The following ACAN variants were observed in gnomAD, a reference collection of about 807,000 sequenced individuals.
The protein encoded by ACAN is aggrecan core protein.
In ACAN, 47 loss-of-function variants were observed where a neutral mutation model predicts 169.1. The observed-to-expected ratio is 0.28, with a 90% CI of 0.22 to 0.35. ACAN has a LOEUF of 0.35. Among genes scored for constraint, ACAN ranks in the 10% least tolerant of loss-of-function variants. ACAN has a pLI of 1.00. For missense variants in ACAN, 2,716 were observed against 2,759.9 expected (o/e 0.98, Z 0.36); for synonymous variants, 1,115 against 1,112.2 (o/e 1.00, Z -0.05).
intron 1 of ACAN, among the ~76,000 whole-genome samples, chr15:88,822,741 A>G (rs1217231056): frequency 1.3e-5 from 2 of 152,130 alleles, no homozygotes; most frequent in South Asian, 2.1e-4. Context: ...GCCGCTAACT[A>G]CATGTGTTCT....
rs758835805 is a variant in ACAN, at chr15:88,858,919, G to C, written c.6334G>C (p.Gly2112Arg). Reference protein sequence around the residue: ...ETSAYPEAGFGASAAPEASRE... With the variant: ...ETSAYPEAGFRASAAPEASRE... ...GTCCGCCTATCCTGAAGCTGGGTTC[G>C]GGGCATCTGCCGCCCCTGAGGCCAG... The change falls in exon 12 of 19, where the codon GGG becomes CGG. Residue 2112 changes from glycine to arginine, a missense_variant. Physicochemically the swap from Gly to Arg is moderately radical, Grantham distance 125 (BLOSUM62 -2). Transcript: ENST00000560601. This position sits in a 1 kb window ranked among gnomAD's most constrained non-coding sequence, Gnocchi z 4.0. 1.1e-5 allele frequency: 18 copies of C among 1,609,074 alleles called. No individual in the cohort carries two copies. Among genetic ancestry groups the C allele is most frequent in the Non-Finnish European group, 1.5e-5 (18 of 1,176,510 alleles).
chr15:88,857,230 C>T lies in ACAN; in HGVS notation c.4645C>T (p.Pro1549Ser). The change falls in exon 12 of 19, where the codon CCT (proline) becomes TCT (serine). Residue 1549 changes from proline (P) to serine (S), a missense_variant. Transcript: ENST00000560601. ...ASGFGDLSGL[P>S]SGGEGLETSA... ...TGGATTTGGGGACCTCAGTGGACTT[C>T]CTTCTGGAGGAGAAGGTCTAGAGAC... 6.2e-7 allele frequency: 1 copy of T among 1,613,842 alleles called. No homozygotes were observed. Among genetic ancestry groups the T allele is most frequent in the Non-Finnish European group, 8.5e-7 (1 of 1,179,872 alleles).
chr15:88,812,392 C>G (rs1596111755), intron 1 of ACAN, among the ~76,000 whole-genome samples: 1 of 152,164 alleles, frequency 6.6e-6, no homozygotes, highest in East Asian at 1.9e-4. Flanking sequence ...TCCTCTCAGC[C>G]CCCTGGGGAT....
chr15:88,809,500 T>A (rs1895767511), intron 1 of ACAN, among the ~76,000 whole-genome samples: 1 of 152,214 alleles, frequency 6.6e-6, no homozygotes, highest in Non-Finnish European at 1.5e-5. Context: ...GTGTCTGGTG[T>A]GCCCTGTCCC....
chr15:88,829,677 C>T (rs1398084295), intron 1 of ACAN, among the ~76,000 whole-genome samples: 1 of 152,128 alleles, frequency 6.6e-6, no homozygotes, highest in Non-Finnish European at 1.5e-5. Context: ...GAATGGGGCA[C>T]CTTGGTCCTT....
At position 88,874,048 on chromosome 15, in the gene ACAN, G is replaced by T; in HGVS notation, c.7630+24G>T. 1.2e-6 allele frequency: 2 copies of T among 1,605,064 alleles called. No individual in the cohort carries two copies. Among genetic ancestry groups the T allele is most frequent in the Non-Finnish European group, 8.5e-7 (1 of 1,179,564 alleles). ...CCGTGAGCATCACCCCGGCCATCTC[G>T]CTGAGCACAGGGTTAGATTCTGCCA... On this transcript the variant is annotated intron_variant, in intron 18 of 18. Coordinates refer to ENST00000560601, the MANE Select transcript of ACAN (RefSeq NM_001369268.1). This position sits in a 1 kb window ranked among gnomAD's most constrained non-coding sequence, Gnocchi z 7.3.
In ACAN at chr15:88,838,875, C is replaced by T. The variant is rs767131816; in HGVS notation, c.283C>T (p.Arg95Trp). The change falls in exon 3 of 19, where the codon CGG becomes TGG. Residue 95 changes from arginine (R) to tryptophan (W), a missense_variant. Physicochemically the swap from Arg to Trp is moderately radical, Grantham distance 101. Transcript: ENST00000560601. The surrounding 1 kb of genome is among the most constrained non-coding windows in gnomAD (Gnocchi z 5.1). The part of the protein sequence containing the change: ...VLLVATEGRV[R>W]VNSAYQDKVS... ...GCTGGTGGCCACTGAAGGGCGCGTG[C>T]GGGTCAACAGTGCCTATCAGGACAA... is the stretch of plus-strand genomic sequence containing the variant. The T allele has an allele frequency of 2.5e-5, 41 of 1,613,928 alleles. No homozygotes were observed. The highest frequency in any genetic ancestry group is 5.3e-5 in the African/African-American group (4 of 74,934).
At chr15:88,863,088 T>C (rs1897229462) in intron 13 of ACAN, among the ~76,000 whole-genome samples, 1 of 151,162 alleles carries the variant, frequency 6.6e-6, no homozygotes, top group African/African-American at 2.4e-5. Flanking sequence ...CCTGCAGTAA[T>C]ATTTGAATCC....
rs773746919 is a variant in ACAN at position 88,858,272 on chromosome 15, G to A, written c.5687G>A (p.Gly1896Asp). 6.2e-7 allele frequency: 1 copy of A among 1,613,940 alleles called. No individual in the cohort carries two copies. The highest frequency in any genetic ancestry group is 8.5e-7 in the Non-Finnish European group (1 of 1,179,886). ...GFTSQTPEFS[G>D]LPSGIAEVSG... ...ACATCCCAGACTCCGGAATTCAGTG[G>A]CCTACCAAGTGGCATAGCTGAGGTC... is the stretch of plus-strand genomic sequence containing the variant. The change falls in exon 12 of 19, where the codon GGC becomes GAC. Residue 1896 changes from glycine to aspartate, a missense_variant. Gly to Asp is a moderately conservative substitution (Grantham distance 94). This residue lies in a region of ACAN where 1,389 missense variants were observed against 1,363.7 expected (regional missense o/e 1.02). Transcript: ENST00000560601. This position sits in a 1 kb window ranked among gnomAD's most constrained non-coding sequence, Gnocchi z 4.0.
chr15:88,835,672 G>A (rs965146053), intron 1 of ACAN, among the ~76,000 whole-genome samples: 4 of 152,206 alleles, frequency 2.6e-5, no homozygotes, highest in African/African-American at 9.7e-5. Flanking sequence ...AAAAAGCAAT[G>A]TTCTAGCTCA....
chr15:88,807,821 G>C lies in ACAN; in HGVS notation c.-8+4012G>C, dbSNP rs2141483896. ...AGGGCGGGCCCTGCGGGCTGGCCAG[G>C]CCTGTGAGAGGTGACTTCTCTCCCT... is the stretch of plus-strand genomic sequence containing the variant. On this transcript the variant is annotated intron_variant, in intron 1 of 18. Coordinates refer to ENST00000560601, the MANE Select transcript of ACAN (RefSeq NM_001369268.1). This position sits in a 1 kb window ranked among gnomAD's most constrained non-coding sequence, Gnocchi z 4.0. Among the ~76,000 whole-genome samples the C allele has an allele frequency of 6.6e-6, 1 of 150,698 alleles. No individual in the cohort carries two copies. Among genetic ancestry groups the C allele is most frequent in the East Asian group, 2.0e-4 (1 of 4,982 alleles).
chr15:88,832,230 C>T (rs1896382699), intron 1 of ACAN, among the ~76,000 whole-genome samples: 1 of 151,504 alleles, frequency 6.6e-6, no homozygotes, highest in Non-Finnish European at 1.5e-5. Flanking sequence ...GTTGTGTGGT[C>T]CATTGTATTA....
Position 88,873,036 on chromosome 15 carries a change from G to C in ACAN, c.7447+11G>C, listed in dbSNP as rs760564511. On this transcript the variant is annotated intron_variant, in intron 17 of 18. Coordinates refer to ENST00000560601, the MANE Select transcript of ACAN (RefSeq NM_001369268.1). The surrounding 1 kb of genome is among the most constrained non-coding windows in gnomAD (Gnocchi z 7.5). ...GTAAAAAGGGCACAGGTAAGCTGGC[G>C]CCTGGGAGGGGTCAGGGGAGGATAG... 2 of 1,610,638 alleles carry C rather than the reference G, an allele frequency of 1.2e-6. No homozygotes were observed. The highest frequency in any genetic ancestry group is 2.2e-5 in the South Asian group (2 of 90,330).
chr15:88,806,350 G>C (rs1192845657), intron 1 of ACAN, among the ~76,000 whole-genome samples: 1 of 112,262 alleles, frequency 8.9e-6, no homozygotes, highest in Non-Finnish European at 1.8e-5. Flanking sequence ...CTTTTGGTGT[G>C]AATTTTTTTT....
chr15:88,858,849 G>A lies in ACAN; in HGVS notation c.6264G>A (p.Gly2088=). The change falls in exon 12 of 19, where the codon GGG becomes GGA. Residue 2088 remains glycine, a synonymous_variant. Transcript: ENST00000560601. The surrounding 1 kb of genome is among the most constrained non-coding windows in gnomAD (Gnocchi z 4.0). ...GTGGAGCTACCCCAGTGCTCCCTGG[G>A]TCTGGAGTAGAAGTATCATCAGTCC... is the stretch of plus-strand genomic sequence containing the variant. ...DISGATPVLP[G]SGVEVSSVPE... 1.2e-6 allele frequency: 2 copies of A among 1,613,380 alleles called. No individual in the cohort carries two copies. The highest frequency in any genetic ancestry group is 2.2e-5 in the South Asian group (2 of 91,070).
At chr15:88,809,596 CAAG>C (rs2141487798) in intron 1 of ACAN, among the ~76,000 whole-genome samples, 1 of 152,362 alleles carries the variant, frequency 6.6e-6, no homozygotes, top group South Asian at 2.1e-4. Flanking sequence ...AAGAGAGCAC[CAAG>C]AATACCCAGT....
At chr15:88,834,031 T>C (rs872397) in intron 1 of ACAN, among the ~76,000 whole-genome samples, 91,091 of 152,034 alleles carry the variant, frequency 0.6, 27,803 homozygotes, top group Middle Eastern at 0.71. Context: ...GCCCTCTGCC[T>C]TCTGGGGAAC....
chr15:88,864,533 G>T (rs1240690761), intron 13 of ACAN, among the ~76,000 whole-genome samples: 1 of 152,106 alleles, frequency 6.6e-6, no homozygotes, highest in African/African-American at 2.4e-5. Context: ...CCAAAGTGCT[G>T]GGATTACAAG....
intron 1 of ACAN, among the ~76,000 whole-genome samples, chr15:88,831,920 G>C (rs1310412351): frequency 6.6e-6 from 1 of 152,202 alleles, no homozygotes; most frequent in Non-Finnish European, 1.5e-5. Flanking sequence ...TTGGACCTCT[G>C]AAGATTCACC....
Sources: allele counts gnomAD v4.1 joint callset (sites outside exome capture counted in the v4.1 genomes callset), GRCh38; gene constraint gnomAD v4.1.1; regional missense constraint gnomAD v4.1.1; non-coding constraint Gnocchi (gnomAD v3.1); transcripts MANE v1.5; gene names NCBI Gene and HGNC (gene_info 2026-07-23, HGNC 2026-07-21).